RPS29: variants seen among roughly 807,000 people sequenced by gnomAD.
RPS29 encodes ribosomal protein S29.
For missense variants in RPS29, 60 were observed against 75.7 expected (o/e 0.79, Z 0.77); for synonymous variants, 37 against 26.9 (o/e 1.37, Z -1.16).
At chr14:49,572,975 G>A (rs1378169768) in exon 3 of RPS29, 1 of 152,030 alleles carries the variant, frequency 6.6e-6, no homozygotes, top group African/African-American at 2.4e-5. Context: ...GCTGAGGTGG[G>A]AAGATTGCAT....
upstream of RPS29, chr14:49,598,699 C>A: frequency 2.9e-6 from 2 of 699,838 alleles, no homozygotes; most frequent in South Asian, 1.5e-5. Context: ...ACAGAAACAA[C>A]CACCGCTGCC....
downstream of RPS29, among the ~76,000 whole-genome samples, chr14:49,581,730 C>T (rs903929559): frequency 6.6e-6 from 1 of 152,114 alleles, no homozygotes; most frequent in African/African-American, 2.4e-5. Context: ...TTCAACAAAC[C>T]TTGTCTCCCA....
exon 3 of RPS29, chr14:49,574,841 A>G (rs577892454): frequency 1.3e-5 from 2 of 152,480 alleles, no homozygotes; most frequent in African/African-American, 4.8e-5. Flanking sequence ...AAATCGAGGA[A>G]GATGATCAGA....
At chr14:49,585,886 G>C in intron 2 of RPS29, 64 bp downstream of exon 2, 1 of 1,280,844 alleles carries the variant, frequency 7.8e-7, no homozygotes, top group Non-Finnish European at 1.1e-6. Flanking sequence ...TGTCTTTCGC[G>C]GAAAAAATAA....
downstream of RPS29, among the ~76,000 whole-genome samples, chr14:49,581,574 G>T (rs545199015): frequency 6.6e-6 from 1 of 152,118 alleles, no homozygotes; most frequent in African/African-American, 2.4e-5. Context: ...GTAGCTAGGC[G>T]TGCACAACCA....
At chr14:49,580,332 A>C (rs1184117714), downstream of RPS29, among the ~76,000 whole-genome samples, 2 of 152,164 alleles carry the variant, frequency 1.3e-5, no homozygotes, top group African/African-American at 4.8e-5. Flanking sequence ...CATTACCAAT[A>C]AATCTTTTCT....
chr14:49,597,028 C>T (rs1881843771), intron 1 of RPS29, among the ~76,000 whole-genome samples: 1 of 151,428 alleles, frequency 6.6e-6, no homozygotes, highest in Non-Finnish European at 1.5e-5. Context: ...GATTCTCCTG[C>T]CTCAGCTTCC....
chr14:49,587,390 C>T (rs966778339), upstream of RPS29, among the ~76,000 whole-genome samples: 5 of 152,294 alleles, frequency 3.3e-5, no homozygotes, highest in African/African-American at 4.8e-5. Context: ...TTTATAATGC[C>T]TCCAGATAAA....
intron 1 of RPS29, among the ~76,000 whole-genome samples, chr14:49,594,845 A>C (rs1426544776): frequency 6.6e-6 from 1 of 152,242 alleles, no homozygotes; most frequent in East Asian, 1.9e-4. Context: ...ACACTTGCCC[A>C]GTAACAGCAT....
At chr14:49,573,830 C>T (rs1482942372) in exon 3 of RPS29, 1 of 152,152 alleles carries the variant, frequency 6.6e-6, no homozygotes, top group African/African-American at 2.4e-5. Context: ...AGTTAATTAC[C>T]ATCAAAGGAA....
chr14:49,597,078 T>TA (rs112393330), intron 1 of RPS29, among the ~76,000 whole-genome samples: 136 of 152,092 alleles, frequency 8.9e-4, no homozygotes, highest in African/African-American at 3.2e-3. Context: ...ACACTCTGTC[T>TA]AATTTTTGTA....
downstream of RPS29, chr14:49,583,549 G>T: frequency 2.9e-6 from 3 of 1,046,844 alleles, no homozygotes; most frequent in Non-Finnish European, 4.1e-6. Flanking sequence ...AGCTATTCCA[G>T]TCACATTAGA....
At chr14:49,593,365 G>T (rs544860283) in intron 1 of RPS29, among the ~76,000 whole-genome samples, 8 of 152,222 alleles carry the variant, frequency 5.3e-5, no homozygotes, top group Admixed American at 3.3e-4. Context: ...ATTTTGAACA[G>T]GATAAAATTC....
At chr14:49,581,860 TAA>T (rs1321672442), downstream of RPS29, among the ~76,000 whole-genome samples, 2 of 151,766 alleles carry the variant, frequency 1.3e-5, no homozygotes, top group South Asian at 4.2e-4. Flanking sequence ...CCGTCTCTAC[TAA>T]AAACACAAAA....
upstream of RPS29, among the ~76,000 whole-genome samples, chr14:49,588,261 G>C (rs111648174): frequency 1.7e-3 from 252 of 152,320 alleles, 1 homozygote; most frequent in African/African-American, 5.7e-3. Context: ...AAAGACAAAT[G>C]AGAAGCAATT....
intron 2 of RPS29, 141 bp downstream of exon 2, chr14:49,585,809 C>T: frequency 1.5e-6 from 1 of 646,494 alleles, no homozygotes; most frequent in Non-Finnish European, 2.8e-6. Flanking sequence ...CAGCTACCAA[C>T]TAAAAAAAGA....
intron 2 of RPS29, among the ~76,000 whole-genome samples, chr14:49,578,060 G>A (rs769298541): frequency 3.3e-5 from 5 of 151,692 alleles, no homozygotes; most frequent in Non-Finnish European, 7.4e-5. Context: ...TGGTTATACT[G>A]GAAATAAGAA....
intron 1 of RPS29, 101 bp downstream of exon 1, chr14:49,586,184 G>T: frequency 7.1e-7 from 1 of 1,414,972 alleles, no homozygotes; most frequent in Non-Finnish European, 1.0e-6. Context: ...ACTCCCAGTC[G>T]GCGTGCTCCC....
intron 2 of RPS29, 33 bp from the exon 3 acceptor site, chr14:49,583,708 A>C: frequency 1.6e-6 from 2 of 1,251,148 alleles, no homozygotes; most frequent in Non-Finnish European, 2.3e-6. Flanking sequence ...TTTATTTCAA[A>C]ATGCTTTAAA....
Sources: gnomAD v4.1 joint callset for allele counts (sites outside exome capture counted in the v4.1 genomes callset) on GRCh38, gnomAD v4.1.1 for gene constraint, MANE v1.5 for transcripts, NCBI Gene and HGNC (gene_info 2026-07-23, HGNC 2026-07-21) for gene names.